Variants in DOCK10 observed in about 807,000 individuals in gnomAD.
DOCK10 encodes dedicator of cytokinesis protein 10.
In DOCK10, 145 loss-of-function variants were observed where a neutral mutation model predicts 280.1. That is an observed-to-expected ratio of 0.52 (90% CI 0.45 to 0.59). DOCK10 has a LOEUF of 0.59. Among genes scored for constraint, DOCK10 ranks in the 20% least tolerant of loss-of-function variants. The pLI is 0.00. For synonymous variants in DOCK10, 915 were observed against 942.2 expected (o/e 0.97, Z 0.53); for missense variants, 2,368 against 2,651.7 (o/e 0.89, Z 2.35).
rs926850110 is a variant in DOCK10 at position 224,804,735 on chromosome 2, A to G, written c.4166+59T>C. 38 of 1,114,016 alleles carry G rather than the reference A, an allele frequency of 3.4e-5. No individual in the cohort carries two copies. In the East Asian group the frequency reaches 4.1e-4, roughly 12 times the overall value. 69.0% of individuals were successfully genotyped at this position (1,114,016 alleles called of 1,614,324 possible). A position where few individuals can be genotyped will look rare whatever the true frequency, so the allele number is the denominator to read the frequency against. ...TTTGTAACTCTAACCTGACACATTAATACATGTCATATGCTTTTTAAAAGA... is the reference window on the plus strand; with the variant it reads ...TTTGTAACTCTAACCTGACACATTAGTACATGTCATATGCTTTTTAAAAGA... On this transcript the variant is annotated intron_variant, in intron 38 of 55. Transcript: ENST00000258390.
intron 1 of DOCK10, among the ~76,000 whole-genome samples, chr2:225,003,454 G>A (rs1225196603): frequency 1.3e-5 from 2 of 152,082 alleles, no homozygotes; most frequent in African/African-American, 4.8e-5. Context: ...GCTGATCTTG[G>A]GAGTAGAATT....
At chr2:224,793,359 T>G in intron 46 of DOCK10, 41 bp downstream of exon 46, 4 of 1,511,550 alleles carry the variant, frequency 2.6e-6, no homozygotes, top group Non-Finnish European at 3.6e-6. Context: ...TTCAATGTGT[T>G]GATATCTAGG....
chr2:225,023,235 C>T (rs1048041206), intron 1 of DOCK10, among the ~76,000 whole-genome samples: 11 of 152,102 alleles, frequency 7.2e-5, no homozygotes, highest in African/African-American at 2.7e-4. Context: ...GGGGTTTCTC[C>T]ATGTTGGCCA....
chr2:225,042,205 G>A lies in DOCK10; in HGVS notation c.123+47C>T, dbSNP rs537747431. Reference sequence around the variant, plus strand: ...GGGGAAGCTGGGCTCCGTTCCCCCCGGGCGCCTGGGGCGCGCGGGAAGGCG... The same window carrying A: ...GGGGAAGCTGGGCTCCGTTCCCCCCAGGCGCCTGGGGCGCGCGGGAAGGCG... On this transcript the variant is annotated intron_variant, in intron 1 of 55. Transcript: ENST00000258390. The surrounding 1 kb of genome is among the most constrained non-coding windows in gnomAD (Gnocchi z 5.1). The A allele has an allele frequency of 7.4e-5, 91 of 1,230,684 alleles. No homozygotes were observed. In the African/African-American group the frequency reaches 1.2e-3, roughly 16 times the overall value. The allele number at this position is 1,230,684 out of a possible 1,614,324, so 76.2% of individuals were successfully genotyped here.
At chr2:225,009,171 G>A (rs1308459399) in intron 1 of DOCK10, among the ~76,000 whole-genome samples, 1 of 152,138 alleles carries the variant, frequency 6.6e-6, no homozygotes, top group African/African-American at 2.4e-5. Flanking sequence ...GCCTAAGTAA[G>A]GGGGTCACAG....
intron 28 of DOCK10, among the ~76,000 whole-genome samples, chr2:224,821,111 T>C (rs1001210772): frequency 7.9e-5 from 12 of 152,330 alleles, no homozygotes; most frequent in African/African-American, 2.6e-4. Context: ...ATGTACAAGC[T>C]TTTTGGCATA....
At chr2:224,921,112 A>AAAAAAAAATATATAT in intron 2 of DOCK10, among the ~76,000 whole-genome samples, 2 of 54,422 alleles carry the variant, frequency 3.7e-5, no homozygotes, top group African/African-American at 3.1e-4. Context: ...AAAAAAAAAA[A>AAAAAAAAATATATAT]ATATATATAT....
In DOCK10 at chr2:224,970,788, T is replaced by C. The variant is rs564325592; in HGVS notation, c.124-39120A>G. Among the ~76,000 whole-genome samples, 9 of 152,338 alleles carry C rather than the reference T, an allele frequency of 5.9e-5. No individual in the cohort carries two copies. In the South Asian group the frequency reaches 1.9e-3, roughly 32 times the overall value. ...TGGAGCAAGAATCCCTATGACAGAATTGGCTTTCATCTCCAAATGGATTTA... is the reference window on the plus strand; with the variant it reads ...TGGAGCAAGAATCCCTATGACAGAACTGGCTTTCATCTCCAAATGGATTTA... On this transcript the variant is annotated intron_variant, in intron 1 of 55. Transcript: ENST00000258390. This position sits in a 1 kb window ranked among gnomAD's most constrained non-coding sequence, Gnocchi z 4.6.
intron 50 of DOCK10, among the ~76,000 whole-genome samples, chr2:224,783,231 G>C (rs538845162): frequency 6.6e-6 from 1 of 151,990 alleles, no homozygotes; most frequent in East Asian, 1.9e-4. Context: ...TTCTCAGTCA[G>C]AGAATTTAAC....
intron 1 of DOCK10, among the ~76,000 whole-genome samples, chr2:225,024,229 A>G (rs1277156230): frequency 6.6e-6 from 1 of 152,242 alleles, no homozygotes; most frequent in South Asian, 2.1e-4. Context: ...GACCAGAAAA[A>G]AACAATAGTG....
intron 1 of DOCK10, among the ~76,000 whole-genome samples, chr2:224,954,053 A>G (rs1186486350): frequency 2.0e-5 from 3 of 151,988 alleles, no homozygotes; most frequent in African/African-American, 7.3e-5. Context: ...ATAACATAGT[A>G]CTCCAATTAT....
chr2:224,987,947 C>T (rs1215398923), intron 1 of DOCK10, among the ~76,000 whole-genome samples: 7 of 152,172 alleles, frequency 4.6e-5, no homozygotes, highest in Non-Finnish European at 8.8e-5. Flanking sequence ...AGTCACCTAA[C>T]CTCTCTAAGC....
At chr2:224,904,643 T>C (rs1700481578) in intron 3 of DOCK10, among the ~76,000 whole-genome samples, 1 of 152,154 alleles carries the variant, frequency 6.6e-6, no homozygotes, top group Non-Finnish European at 1.5e-5. Flanking sequence ...TTAATTTATT[T>C]ATACATGCAA....
rs182690822 is a variant in DOCK10, at chr2:225,036,004, G to A, written c.123+6248C>T. 3.9e-5 allele frequency among the ~76,000 whole-genome samples: 6 copies of A among 152,108 alleles called. No homozygotes were observed. In the East Asian group the frequency reaches 5.8e-4, roughly 15 times the overall value. Reference sequence around the variant, plus strand: ...GCATCATATAGGGGGTTAAGGCATCGACATATTAATCTTGGAAGGACACAA... The same window carrying A: ...GCATCATATAGGGGGTTAAGGCATCAACATATTAATCTTGGAAGGACACAA... On this transcript the variant is annotated intron_variant, in intron 1 of 55. Coordinates refer to ENST00000258390, the MANE Select transcript of DOCK10 (RefSeq NM_014689.3).
intron 11 of DOCK10, among the ~76,000 whole-genome samples, chr2:224,871,496 T>C (rs1698284469): frequency 6.6e-6 from 1 of 152,202 alleles, no homozygotes; most frequent in South Asian, 2.1e-4. Context: ...CTCTTGTTTT[T>C]AAAGTGCTTT....
chr2:224,821,899 A>C (rs918109119), intron 28 of DOCK10, among the ~76,000 whole-genome samples: 1 of 152,152 alleles, frequency 6.6e-6, no homozygotes, highest in African/African-American at 2.4e-5. Flanking sequence ...TCTTTCTGGA[A>C]GCAAGAAAAA....
At chr2:224,913,450 A>G (rs1000269879) in intron 3 of DOCK10, among the ~76,000 whole-genome samples, 2 of 152,110 alleles carry the variant, frequency 1.3e-5, no homozygotes, top group Non-Finnish European at 2.9e-5. Flanking sequence ...TCTTTTTAAA[A>G]ATTAATTTGT....
chr2:224,798,633 T>TA (rs1692754270), intron 41 of DOCK10, among the ~76,000 whole-genome samples: 2 of 130,558 alleles, frequency 1.5e-5, no homozygotes, highest in South Asian at 6.5e-4. Context: ...CCTGGCTCAA[T>TA]CTTTTTTTTT....
intron 29 of DOCK10, among the ~76,000 whole-genome samples, chr2:224,818,701 C>A (rs552742588): frequency 6.6e-6 from 1 of 152,224 alleles, no homozygotes; most frequent in East Asian, 1.9e-4. Context: ...CCCTGCCAGC[C>A]CCTGCTCTTT....
Sources: allele counts gnomAD v4.1 joint callset (sites outside exome capture counted in the v4.1 genomes callset), GRCh38; gene constraint gnomAD v4.1.1; non-coding constraint Gnocchi (gnomAD v3.1); transcripts MANE v1.5; gene names NCBI Gene and HGNC (gene_info 2026-07-23, HGNC 2026-07-21).